Variants in OVOL2 observed in about 807,000 individuals in gnomAD.
OVOL2 encodes transcription factor Ovo-like 2.
In OVOL2, 13 loss-of-function variants were observed where a neutral mutation model predicts 18.1. The ratio of observed to expected loss-of-function variants is 0.72; its 90% CI spans 0.47 to 1.14. The LOEUF (loss-of-function observed/expected upper bound fraction) is 1.14, where lower values mean the gene tolerates loss of function less well. Among genes scored for constraint, OVOL2 ranks in the 50% most tolerant of loss-of-function variants. The pLI is 0.00. For missense variants in OVOL2, 335 were observed against 383.0 expected (o/e 0.87, Z 1.05); for synonymous variants, 166 against 162.7 (o/e 1.02, Z -0.16).
rs577201768 is a variant in OVOL2, at chr20:18,057,602, G to C, written c.33C>G (p.Ser11Arg). 3.8e-6 allele frequency: 6 copies of C among 1,595,780 alleles called. No homozygotes were observed. Among genetic ancestry groups the C allele is most frequent in the East Asian group, 2.3e-5 (1 of 43,844 alleles). ...CCCAGCTGCGGACCGAGACCCCCAG[G>C]CTCCTCCTCTTCACCAGGAAGACTT... MPKVFLVKRR[S>R]LGVSVRSWDE... The change falls in exon 1 of 4, where the codon AGC becomes AGG. Residue 11 changes from serine to arginine, a missense_variant. Coordinates refer to ENST00000278780, the MANE Select transcript of OVOL2 (RefSeq NM_021220.4). This position sits in a 1 kb window ranked among gnomAD's most constrained non-coding sequence, Gnocchi z 6.3.
At position 18,037,883 on chromosome 20, in the gene OVOL2, C is replaced by A. The variant is rs1345956472; in HGVS notation, c.511+3651G>T. Among the ~76,000 whole-genome samples, 8 of 150,932 alleles carry A rather than the reference C, an allele frequency of 5.3e-5. No homozygotes were observed. In the East Asian group the frequency reaches 1.6e-3, roughly 29 times the overall value. On this transcript the variant is annotated intron_variant, in intron 3 of 3. Transcript: ENST00000278780. ...TCCTCTACTGTGTTTTCTGGGATCA[C>A]CTCCCAAATACATTGCTCACATCCA...
At chr20:18,049,724 G>A (rs1265404713) in intron 2 of OVOL2, among the ~76,000 whole-genome samples, 2 of 152,134 alleles carry the variant, frequency 1.3e-5, no homozygotes, top group African/African-American at 4.8e-5. Context: ...GACTTGTAGT[G>A]GCCAACCCTG....
intron 3 of OVOL2, among the ~76,000 whole-genome samples, chr20:18,027,454 G>A (rs1487014016): frequency 1.3e-5 from 2 of 151,424 alleles, no homozygotes; most frequent in Non-Finnish European, 2.9e-5. Flanking sequence ...CTTGAACCCA[G>A]GAGGCAGAAG....
chr20:18,033,349 C>T (rs1216925916), intron 3 of OVOL2, among the ~76,000 whole-genome samples: 4 of 152,196 alleles, frequency 2.6e-5, no homozygotes, highest in Admixed American at 2.6e-4. Flanking sequence ...CAGCAGCTTC[C>T]CCAGGAATGG....
chr20:18,035,220 G>C (rs996667555), intron 3 of OVOL2, among the ~76,000 whole-genome samples: 17 of 152,324 alleles, frequency 1.1e-4, no homozygotes, highest in African/African-American at 4.1e-4. Flanking sequence ...GAAGGGTAAG[G>C]CAGGCTGATC....
At chr20:18,041,045 T>C (rs1265917210) in intron 3 of OVOL2, among the ~76,000 whole-genome samples, 6 of 152,022 alleles carry the variant, frequency 3.9e-5, no homozygotes, top group Non-Finnish European at 8.8e-5. Context: ...TTTACAGGGG[T>C]GAAAGGCAGG....
At chr20:18,054,374 CAG>C (rs890017810) in intron 2 of OVOL2, among the ~76,000 whole-genome samples, 1 of 152,196 alleles carries the variant, frequency 6.6e-6, no homozygotes, top group Non-Finnish European at 1.5e-5. Context: ...GTTAGACGGG[CAG>C]AGTGTTGCTT....
At chr20:18,051,742 T>A (rs962727999) in intron 2 of OVOL2, among the ~76,000 whole-genome samples, 1 of 152,154 alleles carries the variant, frequency 6.6e-6, no homozygotes, top group Non-Finnish European at 1.5e-5. Context: ...AGAACTTAAC[T>A]GTTATTTTGA....
chr20:18,051,392 T>C (rs1258283888), intron 2 of OVOL2, among the ~76,000 whole-genome samples: 2 of 152,100 alleles, frequency 1.3e-5, no homozygotes, highest in Non-Finnish European at 2.9e-5. Context: ...AGGCAAAGTG[T>C]ATCTCTATAG....
chr20:18,044,898 A>T (rs964553688), intron 2 of OVOL2, among the ~76,000 whole-genome samples: 2 of 152,138 alleles, frequency 1.3e-5, no homozygotes, highest in Non-Finnish European at 2.9e-5. Context: ...AGCCTGGGAG[A>T]GCAGTTAATG....
intron 2 of OVOL2, among the ~76,000 whole-genome samples, chr20:18,049,770 G>T (rs931016501): frequency 5.9e-5 from 9 of 152,152 alleles, no homozygotes; most frequent in Non-Finnish European, 1.3e-4. Flanking sequence ...TGCAAAACTT[G>T]TGCCTACAGT....
chr20:18,033,207 C>A (rs923187862), intron 3 of OVOL2, among the ~76,000 whole-genome samples: 1 of 152,226 alleles, frequency 6.6e-6, no homozygotes, highest in Non-Finnish European at 1.5e-5. Context: ...GATTTGTGTG[C>A]CTTCTCCTCC....
chr20:18,048,828 T>C (rs754192228), intron 2 of OVOL2, among the ~76,000 whole-genome samples: 1 of 152,198 alleles, frequency 6.6e-6, no homozygotes, highest in Non-Finnish European at 1.5e-5. Context: ...GCAGACTTTA[T>C]CCCATTTAGT....
chr20:18,035,415 G>A (rs776552283), intron 3 of OVOL2, among the ~76,000 whole-genome samples: 27 of 152,186 alleles, frequency 1.8e-4, no homozygotes, highest in Admixed American at 3.9e-4. Context: ...CAAGACGGGA[G>A]CCACTGTACT....
At chr20:18,038,699 T>C (rs1171922683) in intron 3 of OVOL2, among the ~76,000 whole-genome samples, 1 of 151,976 alleles carries the variant, frequency 6.6e-6, no homozygotes, top group Non-Finnish European at 1.5e-5. Flanking sequence ...ACAGAGTCCA[T>C]CCAGGCAGGG....
intron 2 of OVOL2, among the ~76,000 whole-genome samples, chr20:18,053,047 A>G (rs2036783758): frequency 6.6e-6 from 1 of 152,176 alleles, no homozygotes; most frequent in South Asian, 2.1e-4. Context: ...TAAAGAGACA[A>G]TTTCACAATC....
chr20:18,051,406 T>C (rs1297934761), intron 2 of OVOL2, among the ~76,000 whole-genome samples: 1 of 151,976 alleles, frequency 6.6e-6, no homozygotes, highest in African/African-American at 2.4e-5. Flanking sequence ...TCTATAGAAA[T>C]ACATCAGTTA....
chr20:18,049,536 G>A (rs889679134), intron 2 of OVOL2, among the ~76,000 whole-genome samples: 4 of 148,452 alleles, frequency 2.7e-5, no homozygotes, highest in African/African-American at 7.4e-5. Context: ...TCCCCAATTC[G>A]TTTGGCATTC....
chr20:18,050,545 A>G (rs1283844629), intron 2 of OVOL2: 3 of 152,212 alleles, frequency 2.0e-5, no homozygotes, highest in Admixed American at 6.6e-5. Flanking sequence ...CTTTCCAACA[A>G]TAAAAACCTA....
Sources: gnomAD v4.1 joint callset for allele counts (sites outside exome capture counted in the v4.1 genomes callset) on GRCh38, gnomAD v4.1.1 for gene constraint, Gnocchi (gnomAD v3.1) non-coding constraint, MANE v1.5 for transcripts, NCBI Gene and HGNC (gene_info 2026-07-23, HGNC 2026-07-21) for gene names.